ZBTB20: variants seen among roughly 807,000 people sequenced by gnomAD.
ZBTB20 encodes zinc finger and BTB domain-containing protein 20.
Under a neutral mutation model 56.9 loss-of-function variants are expected in ZBTB20, and 9 were observed. The ratio of observed to expected loss-of-function variants is 0.16; its 90% CI spans 0.10 to 0.28. The LOEUF is 0.28. Ranked by LOEUF, ZBTB20 falls within the 10% of genes least tolerant of loss-of-function variation. The probability of loss-of-function intolerance (pLI) is 1.00; values close to 1 mark genes in which losing one functional copy is unlikely to be tolerated. For missense variants in ZBTB20, 655 were observed against 1,003.0 expected (o/e 0.65, Z 4.69); for synonymous variants, 417 against 420.7 (o/e 0.99, Z 0.11).
chr3:115,088,591 G>T (rs534474012), intron 1 of ZBTB20, among the ~76,000 whole-genome samples: 1 of 151,766 alleles, frequency 6.6e-6, no homozygotes, highest in East Asian at 1.9e-4. Flanking sequence ...TCAATAATTT[G>T]CATATTATTA....
intron 3 of ZBTB20, among the ~76,000 whole-genome samples, chr3:114,921,150 T>C (rs2107756125): frequency 6.6e-6 from 1 of 152,290 alleles, no homozygotes; most frequent in South Asian, 2.1e-4. Flanking sequence ...TGAGACAAAG[T>C]CTTGCTCTGT....
At chr3:114,585,939 C>T (rs1417954117) in intron 6 of ZBTB20, among the ~76,000 whole-genome samples, 2 of 152,202 alleles carry the variant, frequency 1.3e-5, no homozygotes, top group Non-Finnish European at 2.9e-5. Context: ...CTTAGCAGAG[C>T]CAAAACGTCA....
Position 114,756,711 on chromosome 3 carries a change from A to G in ZBTB20, c.-343+44390T>C, listed in dbSNP as rs183262020. 3.2e-4 allele frequency among the ~76,000 whole-genome samples: 49 copies of G among 152,218 alleles called. 2 individuals carry two copies. The East Asian group carries it at 9.3e-3, about 29-fold the overall frequency. On this transcript the variant is annotated intron_variant, in intron 5 of 11. Coordinates refer to ENST00000675478, the MANE Select transcript of ZBTB20 (RefSeq NM_001348800.3). Reference sequence around the variant, plus strand: ...AGGCTAAGTTTAGTCTACTTTGCATATTTTCCTCTGAGAATGATCCAGCCA... The same window carrying G: ...AGGCTAAGTTTAGTCTACTTTGCATGTTTTCCTCTGAGAATGATCCAGCCA...
intron 6 of ZBTB20, among the ~76,000 whole-genome samples, chr3:114,678,294 C>T (rs1426534789): frequency 2.6e-5 from 4 of 152,152 alleles, no homozygotes; most frequent in Admixed American, 6.5e-5. Context: ...CAGCATCACT[C>T]TGAAAACCAT....
At chr3:114,871,181 C>T (rs587321) in intron 4 of ZBTB20, among the ~76,000 whole-genome samples, 13,405 of 152,152 alleles carry the variant, frequency 0.088, 1,710 homozygotes, top group African/African-American at 0.28. Flanking sequence ...CAAATACCCT[C>T]TTATTATCTC....
chr3:114,707,951 C>A (rs546976931), intron 5 of ZBTB20, among the ~76,000 whole-genome samples: 1 of 152,254 alleles, frequency 6.6e-6, no homozygotes, highest in South Asian at 2.1e-4. Flanking sequence ...AATCATGGTA[C>A]TTGGAATTGC....
chr3:114,637,421 A>G (rs150047017), intron 6 of ZBTB20, among the ~76,000 whole-genome samples: 46 of 152,232 alleles, frequency 3.0e-4, no homozygotes, highest in Admixed American at 1.1e-3. Flanking sequence ...GGTTTCACAG[A>G]TCAAATTCAA....
chr3:114,492,334 T>C (rs193251354), intron 7 of ZBTB20, among the ~76,000 whole-genome samples: 4 of 152,326 alleles, frequency 2.6e-5, no homozygotes, highest in Admixed American at 2.6e-4. Context: ...CTATCCAAAG[T>C]ACCTCACACT....
chr3:114,479,163 A>G (rs931798552), intron 7 of ZBTB20, among the ~76,000 whole-genome samples: 6 of 152,184 alleles, frequency 3.9e-5, no homozygotes, highest in African/African-American at 1.4e-4. Context: ...AAGAAAGCAG[A>G]GAATTTGCTA....
rs1027200054 is a variant in ZBTB20 at position 114,948,288 on chromosome 3, G to A, written c.-456+26078C>T. ...CACATAAAACAACAACACCAACTCA[G>A]CAAACTCACGAATTGAAGAGAAATT... On this transcript the variant is annotated intron_variant, in intron 3 of 11. Coordinates refer to ENST00000675478, the MANE Select transcript of ZBTB20 (RefSeq NM_001348800.3). Among the ~76,000 whole-genome samples, 6 of 142,928 alleles carry A rather than the reference G, an allele frequency of 4.2e-5. 1 individual carries two copies. Among genetic ancestry groups the A allele is most frequent in the African/African-American group, 1.7e-4 (6 of 34,724 alleles). The allele number at this position is 142,928 out of a possible 152,430, so 93.8% of individuals were successfully genotyped here.
At chr3:114,756,907 T>C (rs2068047581) in intron 5 of ZBTB20, among the ~76,000 whole-genome samples, 2 of 152,142 alleles carry the variant, frequency 1.3e-5, no homozygotes, top group Admixed American at 6.6e-5. Context: ...AATTTCTGAA[T>C]CTCATATCCT....
chr3:114,641,579 A>C (rs2059564140), intron 6 of ZBTB20, among the ~76,000 whole-genome samples: 1 of 151,786 alleles, frequency 6.6e-6, no homozygotes, highest in Non-Finnish European at 1.5e-5. Flanking sequence ...CTAGTTTGTA[A>C]GGCAGAAAGA....
chr3:114,823,705 A>G (rs2073371848), intron 4 of ZBTB20, among the ~76,000 whole-genome samples: 1 of 152,102 alleles, frequency 6.6e-6, no homozygotes, highest in South Asian at 2.1e-4. Flanking sequence ...ATTTTATAAA[A>G]ATCAATTAAG....
At chr3:114,924,469 C>T (rs945464337) in intron 3 of ZBTB20, among the ~76,000 whole-genome samples, 15 of 152,082 alleles carry the variant, frequency 9.9e-5, no homozygotes, top group African/African-American at 3.1e-4. Flanking sequence ...TATAGAAAGA[C>T]AAATAGTCTG....
intron 1 of ZBTB20, among the ~76,000 whole-genome samples, chr3:115,112,258 G>T (rs1044443562): frequency 1.3e-5 from 2 of 152,070 alleles, no homozygotes; most frequent in African/African-American, 4.8e-5. Flanking sequence ...TAATGACAAA[G>T]TCAGGGTATT....
chr3:115,078,274 G>T (rs565833613), intron 1 of ZBTB20, among the ~76,000 whole-genome samples: 51 of 152,240 alleles, frequency 3.3e-4, no homozygotes, highest in Admixed American at 7.2e-4. Flanking sequence ...TGATATGAAT[G>T]AATGAATAAA....
At chr3:114,677,108 G>A (rs1350424223) in intron 6 of ZBTB20, among the ~76,000 whole-genome samples, 2 of 152,094 alleles carry the variant, frequency 1.3e-5, no homozygotes, top group African/African-American at 2.4e-5. Context: ...TTATGCAGGA[G>A]GAAACAGAAG....
At chr3:115,040,070 T>C (rs1021787398) in intron 2 of ZBTB20, among the ~76,000 whole-genome samples, 3 of 152,130 alleles carry the variant, frequency 2.0e-5, no homozygotes, top group Non-Finnish European at 4.4e-5. Flanking sequence ...CATCCTTTGC[T>C]CACCATAAAT....
At chr3:114,584,505 G>A (rs1487723707) in intron 6 of ZBTB20, among the ~76,000 whole-genome samples, 2 of 151,078 alleles carry the variant, frequency 1.3e-5, no homozygotes, top group Non-Finnish European at 2.9e-5. Flanking sequence ...CTTTTTCCAG[G>A]GACAATATCC....
Sources: gnomAD v4.1 joint callset for allele counts (sites outside exome capture counted in the v4.1 genomes callset) on GRCh38, gnomAD v4.1.1 for gene constraint, MANE v1.5 for transcripts, NCBI Gene and HGNC (gene_info 2026-07-23, HGNC 2026-07-21) for gene names.